ROR1: variants seen among roughly 807,000 people sequenced by gnomAD.
ROR1 encodes the protein ROR family WNT receptor 1.
A neutral mutation model predicts 78.8 loss-of-function variants in ROR1; 19 were observed. The observed-to-expected ratio is 0.24, with a 90% CI of 0.17 to 0.35. The LOEUF is 0.35. Ranked by LOEUF, ROR1 falls within the 10% of genes least tolerant of loss-of-function variation. The pLI, the probability that ROR1 is intolerant of heterozygous loss-of-function variation, is 1.00. For missense variants in ROR1, 917 were observed against 1,177.8 expected, an observed-to-expected ratio of 0.78 and a Z score of 3.24; for synonymous variants, 386 against 433.6, an observed-to-expected ratio of 0.89 and a Z score of 1.36.
intron 4 of ROR1, among the ~76,000 whole-genome samples, chr1:64,064,158 A>G (rs973590379): frequency 1.3e-5 from 2 of 152,230 alleles, no homozygotes; most frequent in Non-Finnish European, 2.9e-5. Flanking sequence ...AGCAAACAAG[A>G]AATTGTGATG....
At position 63,976,753 on chromosome 1, in the gene ROR1, T is replaced by A. The variant is rs964497942; in HGVS notation, c.92-32552T>A. Reference sequence around the variant, plus strand: ...GTTGAGTATCCCTTATCCAAAAATCTTGGGCCAGAAGTGTTTTGGAGTTCA... The same window carrying A: ...GTTGAGTATCCCTTATCCAAAAATCATGGGCCAGAAGTGTTTTGGAGTTCA... On this transcript the variant is annotated intron_variant, in intron 1 of 8. Coordinates refer to ENST00000371079, the MANE Select transcript of ROR1 (RefSeq NM_005012.4). 9.1e-4 allele frequency among the ~76,000 whole-genome samples: 138 copies of A among 152,290 alleles called. 2 individuals carry two copies. Among genetic ancestry groups the A allele is most frequent in the Non-Finnish European group, 1.5e-4 (10 of 68,024 alleles).
intron 2 of ROR1, among the ~76,000 whole-genome samples, chr1:64,028,503 A>G (rs950019472): frequency 1.3e-5 from 2 of 152,194 alleles, no homozygotes; most frequent in African/African-American, 4.8e-5. Flanking sequence ...TATTGCATGC[A>G]TATTTTCTCT....
intron 4 of ROR1, chr1:64,094,785 T>C (rs1647253234): frequency 6.6e-6 from 1 of 152,364 alleles, no homozygotes; most frequent in Admixed American, 6.5e-5. Flanking sequence ...AGACGGCGTT[T>C]CACCATATTG....
chr1:64,024,657 C>A (rs942524911), intron 2 of ROR1, among the ~76,000 whole-genome samples: 4 of 152,078 alleles, frequency 2.6e-5, no homozygotes, highest in African/African-American at 9.7e-5. Flanking sequence ...CAGTACCTGG[C>A]CTCATGGAGG....
intron 1 of ROR1, among the ~76,000 whole-genome samples, chr1:63,776,521 G>C (rs752812463): frequency 2.6e-5 from 4 of 152,168 alleles, no homozygotes; most frequent in Non-Finnish European, 5.9e-5. Context: ...GAACGAAACA[G>C]AACAGGATAG....
chr1:63,798,783 A>G (rs907039982), intron 1 of ROR1, among the ~76,000 whole-genome samples: 5 of 152,206 alleles, frequency 3.3e-5, no homozygotes, highest in Non-Finnish European at 7.4e-5. Flanking sequence ...TTCAAGGTAG[A>G]CATGATCGTC....
intron 2 of ROR1, among the ~76,000 whole-genome samples, chr1:64,029,204 A>ACCTGTGAATCC: frequency 6.6e-6 from 1 of 152,168 alleles, no homozygotes; most frequent in Non-Finnish European, 1.5e-5. Context: ...CCTGTGAATC[A>ACCTGTGAATCC]TACCTGTGAA....
At chr1:64,083,536 T>TGTGTGTGTGTGTGTGTGTGTGTG (rs139973518) in intron 4 of ROR1, among the ~76,000 whole-genome samples, 1 of 150,714 alleles carries the variant, frequency 6.6e-6, no homozygotes, top group Non-Finnish European at 1.5e-5. Context: ...AGTGTGTGTG[T>TGTGTGTGTGTGTGTGTGTGTGTG]TTTAGGAACA....
intron 4 of ROR1, among the ~76,000 whole-genome samples, chr1:64,109,305 T>C (rs1358952869): frequency 6.6e-6 from 1 of 152,214 alleles, no homozygotes; most frequent in Non-Finnish European, 1.5e-5. Flanking sequence ...ACATTTCCTA[T>C]TAATTTTAAT....
chr1:63,983,370 T>G (rs1339765980), intron 1 of ROR1, among the ~76,000 whole-genome samples: 1 of 152,148 alleles, frequency 6.6e-6, no homozygotes, highest in African/African-American at 2.4e-5. Context: ...GTCTTGAGAA[T>G]GGGGAGGACT....
chr1:63,962,679 G>A (rs1468535922), intron 1 of ROR1, among the ~76,000 whole-genome samples: 1 of 152,156 alleles, frequency 6.6e-6, no homozygotes, highest in Non-Finnish European at 1.5e-5. Flanking sequence ...AGCCGGGAGT[G>A]GAGAGTGTCA....
intron 6 of ROR1, among the ~76,000 whole-genome samples, chr1:64,141,553 C>T (rs1467002184): frequency 3.3e-5 from 5 of 152,100 alleles, no homozygotes; most frequent in African/African-American, 1.2e-4. Context: ...GGACACAGAC[C>T]CAAACCATAT....
Position 64,140,056 on chromosome 1 carries a change from CA to C in ROR1, c.611-50del. On this transcript the variant is annotated intron_variant, in intron 5 of 8. Coordinates refer to ENST00000371079, the MANE Select transcript of ROR1 (RefSeq NM_005012.4). Reference sequence around the variant, plus strand: ...ATCTGATATCCGTTGACTAGATAACCAAAGAAGATAAACCCTGGCCTCTGGG... The same window carrying C: ...ATCTGATATCCGTTGACTAGATAACCAAGAAGATAAACCCTGGCCTCTGGG... 2.6e-6 allele frequency: 4 copies of C among 1,537,662 alleles called. No individual in the cohort carries two copies. In the South Asian group the frequency reaches 4.7e-5, roughly 18 times the overall value.
intron 1 of ROR1, among the ~76,000 whole-genome samples, chr1:63,999,460 G>C (rs1303342223): frequency 6.6e-6 from 1 of 152,122 alleles, no homozygotes; most frequent in African/African-American, 2.4e-5. Context: ...CAAAATCTTT[G>C]GTCAGGACAA....
intron 1 of ROR1, among the ~76,000 whole-genome samples, chr1:63,803,380 G>T (rs1226539309): frequency 6.7e-6 from 1 of 148,852 alleles, no homozygotes; most frequent in African/African-American, 2.5e-5. Context: ...CTCTCGCTCT[G>T]TCGCCCAGGC....
At position 64,079,807 on chromosome 1, in the gene ROR1, A is replaced by G. The variant is rs531288906; in HGVS notation, c.482+29091A>G. On this transcript the variant is annotated intron_variant, in intron 4 of 8. Transcript: ENST00000371079. ...TTGATTGGAATTTTCAGTAAGATTTATGCAGTTTAAGAACTGTGGAAACAA... is the reference window on the plus strand; with the variant it reads ...TTGATTGGAATTTTCAGTAAGATTTGTGCAGTTTAAGAACTGTGGAAACAA... 1.3e-3 allele frequency among the ~76,000 whole-genome samples: 197 copies of G among 150,194 alleles called. 1 individual carries two copies. Among genetic ancestry groups the G allele is most frequent in the Non-Finnish European group, 2.2e-3 (151 of 67,804 alleles).
intron 7 of ROR1, among the ~76,000 whole-genome samples, chr1:64,152,910 A>C (rs1343855917): frequency 6.6e-6 from 1 of 152,212 alleles, no homozygotes; most frequent in Non-Finnish European, 1.5e-5. Flanking sequence ...TTACAAATAC[A>C]TCTGATGATA....
At chr1:63,944,385 A>G (rs542029688) in intron 1 of ROR1, among the ~76,000 whole-genome samples, 2 of 152,354 alleles carry the variant, frequency 1.3e-5, no homozygotes, top group African/African-American at 4.8e-5. Flanking sequence ...AAGAGATCCA[A>G]TCGGCAGATA....
chr1:63,992,882 T>C (rs1051020182), intron 1 of ROR1, among the ~76,000 whole-genome samples: 1 of 152,188 alleles, frequency 6.6e-6, no homozygotes, highest in Non-Finnish European at 1.5e-5. Flanking sequence ...CTCTTCTTCC[T>C]GCTCATTACT....
Sources: allele counts gnomAD v4.1 joint callset (sites outside exome capture counted in the v4.1 genomes callset), GRCh38; gene constraint gnomAD v4.1.1; transcripts MANE v1.5; gene names NCBI Gene and HGNC (gene_info 2026-07-23, HGNC 2026-07-21).